CMTR2: variants seen among roughly 807,000 people sequenced by gnomAD.
CMTR2 encodes the protein cap methyltransferase 2, also known as cap-specific mRNA (nucleoside-2'-O-)-methyltransferase 2.
CMTR2 carries 40 observed loss-of-function variants against 49.8 expected under a neutral mutation model. That is an observed-to-expected ratio of 0.80 (90% CI 0.62 to 1.04). The LOEUF is 1.04. Among genes scored for constraint, CMTR2 ranks in the 50% least tolerant of loss-of-function variants. The pLI, the probability that CMTR2 is intolerant of heterozygous loss-of-function variation, is 0.00. For synonymous variants in CMTR2, 326 were observed against 315.8 expected, an observed-to-expected ratio of 1.03 and a Z score of -0.34; for missense variants, 907 against 897.2, an observed-to-expected ratio of 1.01 and a Z score of -0.14.
Position 71,284,051 on chromosome 16 carries a change from G to A in CMTR2, c.1870C>T (p.Arg624Cys), listed in dbSNP as rs368719534. ...LLHDGDPTYQ[R>C]LFLDCLLHSL... ...TGTAGAAGGCAGTCCAAAAATAAAC[G>A]CTGGTAAGTTGGATCTCCATCATGA... is the stretch of plus-strand genomic sequence containing the variant. Residue 624 changes from arginine (R) to cysteine (C), a missense_variant, in exon 3 of 3, where the codon CGT (arginine) becomes TGT (cysteine). Arg to Cys is a radical substitution (Grantham distance 180). Transcript: ENST00000434935. 117 of 1,613,862 alleles carry A rather than the reference G, an allele frequency of 7.2e-5. No individual in the cohort carries two copies. Among genetic ancestry groups the A allele is most frequent in the Non-Finnish European group, 9.7e-5 (115 of 1,179,932 alleles).
rs538044421 is a variant in CMTR2 at position 71,289,130 on chromosome 16, G to A, written c.-80+6C>T. On this transcript the variant is annotated splice_donor_region_variant and intron_variant, in intron 1 of 2. Coordinates refer to ENST00000434935, the MANE Select transcript of CMTR2 (RefSeq NM_018348.6). ...GGGCCCGGAATCGTACCCAGGCCTG[G>A]ATTACCTTCGCCCACGCCCACTGGG... is the stretch of plus-strand genomic sequence containing the variant. 6.6e-6 allele frequency: 1 copy of A among 152,326 alleles called. No individual in the cohort carries two copies. The highest frequency in any genetic ancestry group is 2.1e-4 in the South Asian group (1 of 4,820). The allele number at this position is 152,326 out of a possible 1,614,324, so 9.4% of individuals were successfully genotyped here. A position where few individuals can be genotyped will look rare whatever the true frequency, so the allele number is the denominator to read the frequency against.
chr16:71,283,420 C>G lies in CMTR2; in HGVS notation c.*188G>C. On this transcript the variant is annotated 3_prime_UTR_variant, in exon 3 of 3. Coordinates refer to ENST00000434935, the MANE Select transcript of CMTR2 (RefSeq NM_018348.6). ...GCATAGATTCCACCACGTGGAAGAG[C>G]TCTATGCCTGTGGGTGTATATACCC... is the stretch of plus-strand genomic sequence containing the variant. The G allele has an allele frequency of 1.6e-6, 1 of 635,954 alleles. No homozygotes were observed. Among genetic ancestry groups the G allele is most frequent in the Non-Finnish European group, 2.7e-6 (1 of 372,334 alleles). The allele number at this position is 635,954 out of a possible 1,614,324, so 39.4% of individuals were successfully genotyped here. A position where few individuals can be genotyped will look rare whatever the true frequency, so the allele number is the denominator to read the frequency against.
At position 71,284,253 on chromosome 16, in the gene CMTR2, A is replaced by T; in HGVS notation, c.1668T>A (p.Phe556Leu). The T allele has an allele frequency of 6.2e-7, 1 of 1,614,112 alleles. No individual in the cohort carries two copies. Among genetic ancestry groups the T allele is most frequent in the Non-Finnish European group, 8.5e-7 (1 of 1,179,982 alleles). The change falls in exon 3 of 3, where the codon TTT (phenylalanine) becomes TTA (leucine). Residue 556 changes from phenylalanine to leucine, a missense_variant. Transcript: ENST00000434935. ...ACTCAGTAAGGCTACACAACTCGGA[A>T]AATATCAGTTCTTCAGAAAAAACAT... ...SCHVFSEELIFSELCSLTECL... is the reference protein window; with the variant it reads ...SCHVFSEELILSELCSLTECL...
Position 71,282,763 on chromosome 16 carries a change from G to A in CMTR2, c.*845C>T, listed in dbSNP as rs185595371. 6.6e-6 allele frequency: 1 copy of A among 152,336 alleles called. No individual in the cohort carries two copies. Among genetic ancestry groups the A allele is most frequent in the South Asian group, 2.1e-4 (1 of 4,830 alleles). 9.4% of individuals were successfully genotyped at this position (152,336 alleles called of 1,614,324 possible). On this transcript the variant is annotated 3_prime_UTR_variant, in exon 3 of 3. Transcript: ENST00000434935. ...TCACATTCATGTGTTCCCAACATGA[G>A]ACTAAACACTATCTCAAAATCTTAA...
rs2041790925 is a variant in CMTR2 at position 71,289,255 on chromosome 16, C to T, written c.-199G>A. On this transcript the variant is annotated 5_prime_UTR_variant, in exon 1 of 3. Transcript: ENST00000434935. ...CCCGGGATGGTCCCTCCCTTTGGGT[C>T]CGCGGCGCCTCCAGCCACAAGGCAG... 6.6e-6 allele frequency: 1 copy of T among 152,332 alleles called. No homozygotes were observed. Among genetic ancestry groups the T allele is most frequent in the Non-Finnish European group, 1.5e-5 (1 of 68,134 alleles). The allele number at this position is 152,332 out of a possible 1,614,324, so 9.4% of individuals were successfully genotyped here. A position where few individuals can be genotyped will look rare whatever the true frequency, so the allele number is the denominator to read the frequency against.
intron 2 of CMTR2, 102 bp downstream of exon 2, chr16:71,288,775 AT>A (rs1186708786): frequency 6.6e-6 from 1 of 152,110 alleles, no homozygotes; most frequent in Non-Finnish European, 1.5e-5. Flanking sequence ...GTGGGTCGCT[AT>A]TACCATTCTC....
chr16:71,289,593 A>AT (rs1264532969), upstream of CMTR2: 1 of 132,996 alleles, frequency 7.5e-6, no homozygotes, highest in African/African-American at 2.8e-5. Context: ...CAGGCGGAGC[A>AT]TTCTTTGGCT....
rs1567507253 is a variant in CMTR2, at chr16:71,285,334, G to A, written c.587C>T (p.Thr196Ile). The change falls in exon 3 of 3, where the codon ACC becomes ATC. Residue 196 changes from threonine (T) to isoleucine (I), a missense_variant. Transcript: ENST00000434935. ...MIMDDRLIAN[T>I]LHWWYFGPDN... ...TGGACCAAAGTACCACCAGTGCAAGGTATTTGCAATAAGCCGGTCATCCAT... is the reference window on the plus strand; with the variant it reads ...TGGACCAAAGTACCACCAGTGCAAGATATTTGCAATAAGCCGGTCATCCAT... 59 of 1,613,930 alleles carry A rather than the reference G, an allele frequency of 3.7e-5. No individual in the cohort carries two copies. The highest frequency in any genetic ancestry group is 4.8e-5 in the Non-Finnish European group (57 of 1,179,952).
chr16:71,284,050 C>G lies in CMTR2; in HGVS notation c.1871G>C (p.Arg624Pro), dbSNP rs377064558. Residue 624 changes from arginine (R) to proline (P), a missense_variant, in exon 3 of 3, where the codon CGT becomes CCT. Transcript: ENST00000434935. ...ATGTAGAAGGCAGTCCAAAAATAAA[C>G]GCTGGTAAGTTGGATCTCCATCATG... ...LLHDGDPTYQRLFLDCLLHSL... is the reference protein window; with the variant it reads ...LLHDGDPTYQPLFLDCLLHSL... 1 of 1,614,002 alleles carries G rather than the reference C, an allele frequency of 6.2e-7. No individual in the cohort carries two copies. Among genetic ancestry groups the G allele is most frequent in the Admixed American group, 1.7e-5 (1 of 59,992 alleles).
rs185595371 is a variant in CMTR2 at position 71,282,763 on chromosome 16, G to C, written c.*845C>G. The C allele has an allele frequency of 1.3e-5, 2 of 152,454 alleles. No homozygotes were observed. Among genetic ancestry groups the C allele is most frequent in the African/African-American group, 4.8e-5 (2 of 41,556 alleles). The allele number at this position is 152,454 out of a possible 1,614,324, so 9.4% of individuals were successfully genotyped here. A position where few individuals can be genotyped will look rare whatever the true frequency, so the allele number is the denominator to read the frequency against. On this transcript the variant is annotated 3_prime_UTR_variant, in exon 3 of 3. Transcript: ENST00000434935. Reference sequence around the variant, plus strand: ...TCACATTCATGTGTTCCCAACATGAGACTAAACACTATCTCAAAATCTTAA... The same window carrying C: ...TCACATTCATGTGTTCCCAACATGACACTAAACACTATCTCAAAATCTTAA...
rs150618997 is a variant in CMTR2 at position 71,284,930 on chromosome 16, A to G, written c.991T>C (p.Ser331Pro). ...KGREAIHPLL[S>P]KMTLNFGTEM... is the part of the protein sequence containing the mutation. ...GTCCCAAAATTCAAGGTCATCTTAG[A>G]TAACAGAGGATGGATGGCCTCTCTC... Residue 331 changes from serine (S) to proline (P), a missense_variant, in exon 3 of 3, where the codon TCT becomes CCT. Physicochemically the swap from Ser to Pro is moderately conservative, Grantham distance 74. Coordinates refer to ENST00000434935, the MANE Select transcript of CMTR2 (RefSeq NM_018348.6). 324 of 1,614,154 alleles carry G rather than the reference A, an allele frequency of 2.0e-4. 3 individuals are homozygous for G. The Admixed American group carries it at 5.2e-3, about 26-fold the overall frequency.
Position 71,284,802 on chromosome 16 carries a change from C to A in CMTR2, c.1119G>T (p.Glu373Asp). ...CCVFFHKYQL[E>D]TISENIRLFE... ...ATAGACGAATGTTTTCAGAAATAGT[C>A]TCTAGCTGATATTTATGAAAGAACA... is the stretch of plus-strand genomic sequence containing the variant. Residue 373 changes from glutamate (E) to aspartate (D), a missense_variant, in exon 3 of 3, where the codon GAG (glutamate) becomes GAT (aspartate). Physicochemically the swap from Glu to Asp is conservative, Grantham distance 45. Coordinates refer to ENST00000434935, the MANE Select transcript of CMTR2 (RefSeq NM_018348.6). 6.2e-7 allele frequency: 1 copy of A among 1,613,770 alleles called. No individual in the cohort carries two copies. Among genetic ancestry groups the A allele is most frequent in the Non-Finnish European group, 8.5e-7 (1 of 1,179,900 alleles).
chr16:71,284,428 T>G lies in CMTR2; in HGVS notation c.1493A>C (p.Glu498Ala), dbSNP rs758658803. Residue 498 changes from glutamate (E) to alanine (A), a missense_variant, in exon 3 of 3, where the codon GAG (glutamate) becomes GCG (alanine). By Grantham distance (107) the Glu-to-Ala change is moderately radical (BLOSUM62 -1). Coordinates refer to ENST00000434935, the MANE Select transcript of CMTR2 (RefSeq NM_018348.6). ...NLECHLWHIL[E>A]GKKLPKVKCS... The stretch of plus-strand genomic sequence containing the variant: ...TTTTACCTTTGGCAGTTTCTTTCCC[T>G]CCAAAATATGCCATAAGTGACACTC... 9 of 1,613,908 alleles carry G rather than the reference T, an allele frequency of 5.6e-6. No homozygotes were observed. In the Admixed American group the frequency reaches 1.5e-4, roughly 27 times the overall value.
In CMTR2 at chr16:71,283,993, A is replaced by T; in HGVS notation, c.1928T>A (p.Met643Lys). 1 of 1,613,982 alleles carries T rather than the reference A, an allele frequency of 6.2e-7. No individual in the cohort carries two copies. Among genetic ancestry groups the T allele is most frequent in the Non-Finnish European group, 8.5e-7 (1 of 1,179,880 alleles). ...GAAGCAAGAAAGTACAGGCAAAATC[A>T]TAACATCTCCTGTATGAAGCTCCCG... Reference protein sequence around the residue: ...SLRELHTGDVMILPVLSCFTR... With the variant: ...SLRELHTGDVKILPVLSCFTR... Residue 643 changes from methionine (M) to lysine (K), a missense_variant, in exon 3 of 3, where the codon ATG becomes AAG. By Grantham distance (95) the Met-to-Lys change is moderately conservative. Coordinates refer to ENST00000434935, the MANE Select transcript of CMTR2 (RefSeq NM_018348.6).
At position 71,285,408 on chromosome 16, in the gene CMTR2, C is replaced by T. The variant is rs149227505; in HGVS notation, c.513G>A (p.Ala171=). 17 of 1,613,988 alleles carry T rather than the reference C, an allele frequency of 1.1e-5. No homozygotes were observed. Among genetic ancestry groups the T allele is most frequent in the Non-Finnish European group, 1.4e-5 (16 of 1,179,990 alleles). The change falls in exon 3 of 3, where the codon GCG becomes GCA. Residue 171 remains alanine (A), a synonymous_variant. Coordinates refer to ENST00000434935, the MANE Select transcript of CMTR2 (RefSeq NM_018348.6). The stretch of plus-strand genomic sequence containing the variant: ...CTTCATGGTATGGATTCAGAGTATT[C>T]GCTACCCAACTCCAATGACAAGGAA... The part of the protein sequence containing the change: ...HRFPCHWSWV[A]NTLNPYHEAN...
intron 2 of CMTR2, among the ~76,000 whole-genome samples, chr16:71,286,216 T>C (rs1271837193): frequency 7.6e-6 from 1 of 131,704 alleles, no homozygotes; most frequent in African/African-American, 2.8e-5. Context: ...AAAAAAAGCC[T>C]ATCATTTTTT....
Position 71,281,866 on chromosome 16 carries a change from A to T in CMTR2, c.*1742T>A, listed in dbSNP as rs1483449305. 1 of 152,028 alleles carries T rather than the reference A, an allele frequency of 6.6e-6. No homozygotes were observed. The highest frequency in any genetic ancestry group is 1.5e-5 in the Non-Finnish European group (1 of 67,882). The allele number at this position is 152,028 out of a possible 1,614,324, so 9.4% of individuals were successfully genotyped here. A position where few individuals can be genotyped will look rare whatever the true frequency, so the allele number is the denominator to read the frequency against. ...CAACTTCATTCTTATCAAATAGTTA[A>T]AATAAGTAAAAAATAAGCTGCATTA... On this transcript the variant is annotated 3_prime_UTR_variant, in exon 3 of 3. Coordinates refer to ENST00000434935, the MANE Select transcript of CMTR2 (RefSeq NM_018348.6).
chr16:71,284,618 C>G lies in CMTR2; in HGVS notation c.1303G>C (p.Gly435Arg), dbSNP rs1567505675. 14 of 1,613,014 alleles carry G rather than the reference C, an allele frequency of 8.7e-6. No homozygotes were observed. Among genetic ancestry groups the G allele is most frequent in the Non-Finnish European group, 1.2e-5 (14 of 1,179,680 alleles). ...IGCSTNTKWF[G>R]QRNKYFKTYN... The stretch of plus-strand genomic sequence containing the variant: ...GTTTTAAAATATTTGTTCCTCTGCC[C>G]AAACCATTTTGTATTTGTACTACAA... The change falls in exon 3 of 3, where the codon GGG becomes CGG. Residue 435 changes from glycine to arginine, a missense_variant. Coordinates refer to ENST00000434935, the MANE Select transcript of CMTR2 (RefSeq NM_018348.6).
rs748256920 is a variant in CMTR2, at chr16:71,284,164, GA to G, written c.1756del (p.Ser586ArgfsTer17). 1 of 1,613,830 alleles carries G rather than the reference GA, an allele frequency of 6.2e-7. No individual in the cohort carries two copies. The highest frequency in any genetic ancestry group is 8.5e-7 in the Non-Finnish European group (1 of 1,179,868). On this transcript the variant is annotated frameshift_variant, in exon 3 of 3. Coordinates refer to ENST00000434935, the MANE Select transcript of CMTR2 (RefSeq NM_018348.6). LOFTEE classifies it high-confidence loss of function. ...NQIKCLLVGF[S>X]TLRNIKMHIP... is the part of the protein sequence containing the mutation. ...ATGCATTTTGATATTACGGAGAGTC[GA>G]AAAGCCCACCAGCAGGCACTTTATT...
Sources: gnomAD v4.1 joint callset for allele counts (sites outside exome capture counted in the v4.1 genomes callset) on GRCh38, gnomAD v4.1.1 for gene constraint, MANE v1.5 for transcripts, NCBI Gene and HGNC (gene_info 2026-07-23, HGNC 2026-07-21) for gene names.